Variants in XIRP2 observed in about 807,000 individuals in gnomAD.
XIRP2 encodes xin actin binding repeat containing 2, also known as xin actin-binding repeat-containing protein 2.
Under a neutral mutation model 277.0 loss-of-function variants are expected in XIRP2, and 236 were observed. The observed-to-expected ratio is 0.85, with a 90% CI of 0.77 to 0.95. XIRP2 has a LOEUF of 0.95. XIRP2 is among the 40% of genes least tolerant of loss of function. XIRP2 has a pLI of 0.00. For synonymous variants in XIRP2, 1,490 were observed against 1,416.5 expected, an observed-to-expected ratio of 1.05 and a Z score of -1.17; for missense variants, 4,640 against 4,157.5, an observed-to-expected ratio of 1.12 and a Z score of -3.19.
In XIRP2 at chr2:167,225,359, T is replaced by C. The variant is rs545557645; in HGVS notation, c.858+7059T>C. 2.6e-5 allele frequency among the ~76,000 whole-genome samples: 4 copies of C among 152,234 alleles called. No homozygotes were observed. In the East Asian group the frequency reaches 7.7e-4, roughly 29 times the overall value. On this transcript the variant is annotated intron_variant, in intron 5 of 10. Transcript: ENST00000409195. ...CTTACAAGTGTGAGTGTTGCATATG[T>C]GGTTTCTCAGCACATTTTAGTTGAT...
intron 3 of XIRP2, among the ~76,000 whole-genome samples, chr2:167,147,897 G>A (rs1574297306): frequency 6.6e-6 from 1 of 152,122 alleles, no homozygotes; most frequent in East Asian, 1.9e-4. Flanking sequence ...ACATAATGCA[G>A]AAAGCAGATG....
At chr2:167,059,192 C>T (rs977960427) in intron 2 of XIRP2, among the ~76,000 whole-genome samples, 4 of 147,346 alleles carry the variant, frequency 2.7e-5, no homozygotes, top group South Asian at 4.3e-4. Flanking sequence ...CTGCAACCTC[C>T]GACTACCTTC....
chr2:167,105,900 A>G (rs997501130), intron 2 of XIRP2, among the ~76,000 whole-genome samples: 1 of 151,644 alleles, frequency 6.6e-6, no homozygotes, highest in Non-Finnish European at 1.5e-5. Flanking sequence ...TTTCCCTCAT[A>G]GCTAATGACG....
At chr2:167,046,013 A>T (rs1688779588) in intron 2 of XIRP2, among the ~76,000 whole-genome samples, 1 of 151,896 alleles carries the variant, frequency 6.6e-6, no homozygotes, top group Non-Finnish European at 1.5e-5. Context: ...TGTTGGGTAT[A>T]TACCCAAAGG....
At chr2:166,908,342 G>T (rs1175976384) in intron 2 of XIRP2, among the ~76,000 whole-genome samples, 8 of 152,150 alleles carry the variant, frequency 5.3e-5, no homozygotes, top group South Asian at 2.1e-4. Context: ...TTGTGGTTTT[G>T]ATTTGCATTT....
At chr2:167,181,114 C>A (rs2105357141) in intron 3 of XIRP2, among the ~76,000 whole-genome samples, 2 of 152,318 alleles carry the variant, frequency 1.3e-5, no homozygotes, top group South Asian at 4.1e-4. Context: ...ACATCCCTAT[C>A]TTTTCCTTTT....
At position 167,178,411 on chromosome 2, in the gene XIRP2, G is replaced by T. The variant is rs538772890; in HGVS notation, c.563-32324G>T. Among the ~76,000 whole-genome samples, 3 of 152,238 alleles carry T rather than the reference G, an allele frequency of 2.0e-5. No homozygotes were observed. In the South Asian group the frequency reaches 6.2e-4, roughly 32 times the overall value. On this transcript the variant is annotated intron_variant, in intron 3 of 10. Transcript: ENST00000409195. Reference sequence around the variant, plus strand: ...TATTTTGAAATGAAGTATAATGTGAGCTTTTAAAATAATTTATTTCTAGTT... The same window carrying T: ...TATTTTGAAATGAAGTATAATGTGATCTTTTAAAATAATTTATTTCTAGTT...
intron 1 of XIRP2, among the ~76,000 whole-genome samples, chr2:166,889,315 T>A (rs1056388408): frequency 7.9e-5 from 12 of 152,094 alleles, no homozygotes; most frequent in Non-Finnish European, 1.2e-4. Flanking sequence ...CCTCCTCCAC[T>A]CTCTCCCCAC....
intron 1 of XIRP2, among the ~76,000 whole-genome samples, chr2:166,901,283 G>T (rs992535399): frequency 1.3e-5 from 2 of 151,998 alleles, no homozygotes; most frequent in Non-Finnish European, 2.9e-5. Flanking sequence ...GGAATTCACC[G>T]CCTTATTGTT....
chr2:166,947,460 G>A (rs1685907733), intron 2 of XIRP2, among the ~76,000 whole-genome samples: 1 of 152,086 alleles, frequency 6.6e-6, no homozygotes, highest in Admixed American at 6.6e-5. Flanking sequence ...TTCTTCATAA[G>A]CCTGAAAGCA....
chr2:167,150,061 A>G (rs914885899), intron 3 of XIRP2, among the ~76,000 whole-genome samples: 1 of 152,056 alleles, frequency 6.6e-6, no homozygotes, highest in Non-Finnish European at 1.5e-5. Context: ...ATTGTACAAT[A>G]TACTCATGTA....
intron 5 of XIRP2, among the ~76,000 whole-genome samples, chr2:167,227,661 C>T (rs1694644407): frequency 6.6e-6 from 1 of 152,024 alleles, no homozygotes; most frequent in Admixed American, 6.6e-5. Context: ...AAGCCATGAT[C>T]ACACCACTGC....
intron 2 of XIRP2, among the ~76,000 whole-genome samples, chr2:167,039,893 G>C (rs1271024072): frequency 1.3e-5 from 2 of 152,016 alleles, no homozygotes; most frequent in African/African-American, 4.8e-5. Flanking sequence ...TTACATATAG[G>C]TAAATATGAA....
intron 2 of XIRP2, among the ~76,000 whole-genome samples, chr2:166,913,485 G>T (rs373307838): frequency 6.6e-6 from 1 of 152,288 alleles, no homozygotes; most frequent in African/African-American, 2.4e-5. Flanking sequence ...TGTCGCTCAC[G>T]CTGGGAGCTG....
intron 2 of XIRP2, among the ~76,000 whole-genome samples, chr2:166,920,620 A>G (rs985424926): frequency 6.6e-6 from 1 of 152,172 alleles, no homozygotes; most frequent in African/African-American, 2.4e-5. Context: ...CAGGTACATA[A>G]AATACTAAAG....
chr2:167,022,009 G>C (rs1687997114), intron 2 of XIRP2, among the ~76,000 whole-genome samples: 1 of 151,990 alleles, frequency 6.6e-6, no homozygotes, highest in Non-Finnish European at 1.5e-5. Context: ...ATTAAACTAT[G>C]AGGTAAACAT....
chr2:167,102,563 T>C (rs1690515430), intron 2 of XIRP2, among the ~76,000 whole-genome samples: 1 of 152,218 alleles, frequency 6.6e-6, no homozygotes. Context: ...ATGTAATATA[T>C]AGTGCTATGA....
chr2:167,113,731 A>G (rs560880510), intron 2 of XIRP2, among the ~76,000 whole-genome samples: 1 of 152,156 alleles, frequency 6.6e-6, no homozygotes, highest in South Asian at 2.1e-4. Context: ...ATTTTATAGT[A>G]TCACTGATGT....
At chr2:167,183,922 G>A (rs574379043) in intron 3 of XIRP2, among the ~76,000 whole-genome samples, 2 of 152,222 alleles carry the variant, frequency 1.3e-5, no homozygotes, top group Non-Finnish European at 2.9e-5. Context: ...GGCGCTGACC[G>A]CCTTAATTTA....
Sources: gnomAD v4.1 joint callset for allele counts (sites outside exome capture counted in the v4.1 genomes callset) on GRCh38, gnomAD v4.1.1 for gene constraint, MANE v1.5 for transcripts, NCBI Gene and HGNC (gene_info 2026-07-23, HGNC 2026-07-21) for gene names.